CHIC2: variants seen among roughly 807,000 people sequenced by gnomAD.
The protein encoded by CHIC2 is cysteine-rich hydrophobic domain-containing protein 2.
A neutral mutation model predicts 25.9 loss-of-function variants in CHIC2; 14 were observed. The ratio of observed to expected loss-of-function variants is 0.54; its 90% CI spans 0.36 to 0.85. The LOEUF is 0.85. CHIC2 is among the 40% of genes least tolerant of loss of function. CHIC2 has a pLI of 0.01. For missense variants in CHIC2, 146 were observed against 202.0 expected (o/e 0.72, Z 1.68); for synonymous variants, 70 against 72.0 (o/e 0.97, Z 0.14).
At chr4:54,070,972 C>G in the CHIC2 span, among the ~76,000 whole-genome samples, 1 of 152,022 alleles carries the variant, frequency 6.6e-6, no homozygotes, top group Non-Finnish European at 1.5e-5. Flanking sequence ...TTTTGGTGCC[C>G]GCAGTATAAG....
At chr4:54,023,156 C>T (rs1327584331) in intron 3 of CHIC2, among the ~76,000 whole-genome samples, 1 of 152,160 alleles carries the variant, frequency 6.6e-6, no homozygotes, top group Non-Finnish European at 1.5e-5. Context: ...TCATCCCAAC[C>T]CTTTTCATTA....
upstream of CHIC2, among the ~76,000 whole-genome samples, chr4:54,069,246 T>C (rs1258712337): frequency 6.6e-6 from 1 of 152,098 alleles, no homozygotes; most frequent in Non-Finnish European, 1.5e-5. Flanking sequence ...CAGGCTAGTC[T>C]CCAACTCCTG....
chr4:54,023,411 T>C (rs560310912), intron 3 of CHIC2, among the ~76,000 whole-genome samples: 2 of 152,278 alleles, frequency 1.3e-5, no homozygotes, highest in East Asian at 1.9e-4. Context: ...CTGATGCATA[T>C]ACTTTCTGCT....
At chr4:54,085,830 G>T in the CHIC2 span, among the ~76,000 whole-genome samples, 1 of 152,026 alleles carries the variant, frequency 6.6e-6, no homozygotes, top group African/African-American at 2.4e-5. Flanking sequence ...AGGAGGTCTG[G>T]AAAGGGAACT....
the CHIC2 span, among the ~76,000 whole-genome samples, chr4:54,078,450 TTGTC>T: frequency 6.6e-6 from 1 of 152,222 alleles, no homozygotes; most frequent in Non-Finnish European, 1.5e-5. Context: ...TTGAATTAGT[TTGTC>T]TGTATTGAGC....
chr4:54,082,576 C>T, the CHIC2 span, among the ~76,000 whole-genome samples: 1 of 152,196 alleles, frequency 6.6e-6, no homozygotes, highest in Non-Finnish European at 1.5e-5. Context: ...AGTACTCAGC[C>T]ACCTTTTCAA....
At chr4:54,018,409 C>A (rs570796103) in intron 3 of CHIC2, among the ~76,000 whole-genome samples, 3 of 152,144 alleles carry the variant, frequency 2.0e-5, no homozygotes, top group African/African-American at 7.2e-5. Context: ...AAATTAAATG[C>A]CATTAGATAT....
chr4:54,022,673 T>C (rs1715939195), intron 3 of CHIC2, among the ~76,000 whole-genome samples: 1 of 152,088 alleles, frequency 6.6e-6, no homozygotes, highest in Non-Finnish European at 1.5e-5. Context: ...CATCTTCCTC[T>C]TGTATCCCTC....
In CHIC2 at chr4:54,064,441, C is replaced by A. The variant is rs1226520209; in HGVS notation, c.-141G>T. The A allele has an allele frequency of 1.1e-5, 16 of 1,504,850 alleles. No individual in the cohort carries two copies. The highest frequency in any genetic ancestry group is 1.4e-5 in the Non-Finnish European group (16 of 1,131,832). The allele number at this position is 1,504,850 out of a possible 1,614,324, so 93.2% of individuals were successfully genotyped here. A position where few individuals can be genotyped will look rare whatever the true frequency, so the allele number is the denominator to read the frequency against. ...CCGCGGAGTTCGCTGTCGGCTGTCT[C>A]GGCTCCGGCTACAGAGGGGATGGGG... On this transcript the variant is annotated 5_prime_UTR_variant, in exon 1 of 6. Transcript: ENST00000263921. The surrounding 1 kb of genome is among the most constrained non-coding windows in gnomAD (Gnocchi z 4.2).
chr4:54,020,701 A>G (rs1256756588), intron 3 of CHIC2, among the ~76,000 whole-genome samples: 2 of 151,878 alleles, frequency 1.3e-5, no homozygotes, highest in Non-Finnish European at 2.9e-5. Context: ...CTACCCTTCA[A>G]TCTCCCTGCC....
chr4:54,046,406 C>T (rs1306817486), intron 3 of CHIC2, among the ~76,000 whole-genome samples: 5 of 152,256 alleles, frequency 3.3e-5, no homozygotes, highest in South Asian at 4.1e-4. Context: ...AACTATACTA[C>T]AAGGATACAG....
intron 1 of CHIC2, among the ~76,000 whole-genome samples, chr4:54,055,929 G>A (rs751558255): frequency 6.6e-6 from 1 of 152,092 alleles, no homozygotes; most frequent in Non-Finnish European, 1.5e-5. Flanking sequence ...GTATATTTGG[G>A]TTTCAGAATA....
chr4:54,042,786 A>C (rs1716619729), intron 3 of CHIC2, among the ~76,000 whole-genome samples: 1 of 152,198 alleles, frequency 6.6e-6, no homozygotes, highest in South Asian at 2.1e-4. Context: ...TTTTTAGAAA[A>C]AAGGAATATT....
chr4:54,012,101 T>A (rs910873643), intron 5 of CHIC2, among the ~76,000 whole-genome samples: 3 of 151,912 alleles, frequency 2.0e-5, no homozygotes, highest in African/African-American at 7.3e-5. Context: ...CAGAACACAT[T>A]TTTTCTCCCC....
chr4:54,053,394 T>C (rs1463495485), intron 1 of CHIC2, among the ~76,000 whole-genome samples: 3 of 152,094 alleles, frequency 2.0e-5, no homozygotes, highest in African/African-American at 7.2e-5. Context: ...CCATCACTAC[T>C]AAAAATGCAA....
the CHIC2 span, among the ~76,000 whole-genome samples, chr4:54,079,898 A>G: frequency 6.6e-6 from 1 of 152,082 alleles, no homozygotes; most frequent in Non-Finnish European, 1.5e-5. Flanking sequence ...CTGTTGGAGG[A>G]AATGTAACTT....
intron 1 of CHIC2, among the ~76,000 whole-genome samples, chr4:54,052,593 T>A (rs1717035065): frequency 6.6e-6 from 1 of 152,182 alleles, no homozygotes; most frequent in Non-Finnish European, 1.5e-5. Flanking sequence ...CAGACTCTAA[T>A]AACCAAACAT....
At position 54,010,015 on chromosome 4, in the gene CHIC2, T is replaced by C. The variant is rs1214325926; in HGVS notation, c.*80A>G. The C allele has an allele frequency of 1.1e-6, 1 of 907,766 alleles. No individual in the cohort carries two copies. Among genetic ancestry groups the C allele is most frequent in the East Asian group, 2.6e-5 (1 of 39,198 alleles). The allele number at this position is 907,766 out of a possible 1,614,324, so 56.2% of individuals were successfully genotyped here. A position where few individuals can be genotyped will look rare whatever the true frequency, so the allele number is the denominator to read the frequency against. Reference sequence around the variant, plus strand: ...ACACGATTCTGTAGAACCAATGTTATGTCACCACCAGGAGAGCACCAAGCA... The same window carrying C: ...ACACGATTCTGTAGAACCAATGTTACGTCACCACCAGGAGAGCACCAAGCA... On this transcript the variant is annotated 3_prime_UTR_variant, in exon 6 of 6. Coordinates refer to ENST00000263921, the MANE Select transcript of CHIC2 (RefSeq NM_012110.4).
intron 3 of CHIC2, among the ~76,000 whole-genome samples, chr4:54,027,743 A>T (rs998740796): frequency 3.3e-5 from 5 of 152,198 alleles, no homozygotes; most frequent in Non-Finnish European, 7.4e-5. Context: ...TGGGACATGC[A>T]CTCATTACAT....
Sources: allele counts gnomAD v4.1 joint callset (sites outside exome capture counted in the v4.1 genomes callset), GRCh38; gene constraint gnomAD v4.1.1; non-coding constraint Gnocchi (gnomAD v3.1); transcripts MANE v1.5; gene names NCBI Gene and HGNC (gene_info 2026-07-23, HGNC 2026-07-21).